LRRC9: variants seen among roughly 807,000 people sequenced by gnomAD.
LRRC9 encodes the protein leucine-rich repeat-containing protein 9.
LRRC9 carries 122 observed loss-of-function variants against 63.2 expected under a neutral mutation model. The observed-to-expected ratio is 1.93, with a 90% CI of 1.67 to 2.24. LRRC9 has a LOEUF of 2.24. LRRC9 is among the 30% of genes most tolerant of loss of function. The pLI is 0.00. For synonymous variants in LRRC9, 366 were observed against 213.1 expected (o/e 1.72, Z -6.25); for missense variants, 1,071 against 627.7 (o/e 1.71, Z -7.55).
intron 20 of LRRC9, among the ~76,000 whole-genome samples, chr14:60,002,732 C>T (rs1889490502): frequency 6.6e-6 from 1 of 152,100 alleles, no homozygotes; most frequent in Non-Finnish European, 1.5e-5. Flanking sequence ...CTGCGTTCGC[C>T]ACAGAATTGG....
At chr14:60,018,391 T>C (rs1249253391) in exon 25 of LRRC9, 4 of 700,338 alleles carry the variant, frequency 5.7e-6, no homozygotes, top group Non-Finnish European at 1.0e-5. Context: ...TTGATTCCAG[T>C]CGACCAATTT....
At chr14:59,982,847 A>G (rs963107527) in intron 16 of LRRC9, among the ~76,000 whole-genome samples, 19 of 152,178 alleles carry the variant, frequency 1.2e-4, no homozygotes, top group Non-Finnish European at 2.1e-4. Flanking sequence ...TCCAATTAGC[A>G]AGGGATTTTA....
At chr14:60,009,794 C>G (rs1890113343) in intron 23 of LRRC9, among the ~76,000 whole-genome samples, 1 of 152,178 alleles carries the variant, frequency 6.6e-6, no homozygotes. Flanking sequence ...GGTAAATACA[C>G]CCATTCCAAA....
At chr14:60,007,313 A>G (rs915396025) in intron 22 of LRRC9, among the ~76,000 whole-genome samples, 1 of 152,168 alleles carries the variant, frequency 6.6e-6, no homozygotes, top group African/African-American at 2.4e-5. Flanking sequence ...CACCAGCAAC[A>G]CAATAAGCCA....
intron 29 of LRRC9, among the ~76,000 whole-genome samples, chr14:60,047,450 A>G (rs1190818236): frequency 6.6e-6 from 1 of 152,124 alleles, no homozygotes; most frequent in African/African-American, 2.4e-5. Flanking sequence ...AAACAAAGGG[A>G]TGAAGGATAA....
In LRRC9 at chr14:60,058,025, A is replaced by AT. The variant is rs754802771; in HGVS notation, c.4276+7dup. The stretch of plus-strand genomic sequence containing the variant: ...CACTTTAACTCCTGAAGTTGAAGGT[A>AT]TTTTGACAATTTCAGATAGAATGTA... On this transcript the variant is annotated splice_donor_region_variant and intron_variant, in intron 31 of 31. Coordinates refer to ENST00000445360, the Ensembl canonical transcript of LRRC9. This position sits in a 1 kb window ranked among gnomAD's most constrained non-coding sequence, Gnocchi z 4.4. 8 of 606,926 alleles carry AT rather than the reference A, an allele frequency of 1.3e-5. No homozygotes were observed. Among genetic ancestry groups the AT allele is most frequent in the Non-Finnish European group, 2.2e-5 (7 of 322,456 alleles). The allele number at this position is 606,926 out of a possible 1,614,324, so 37.6% of individuals were successfully genotyped here. A position where few individuals can be genotyped will look rare whatever the true frequency, so the allele number is the denominator to read the frequency against.
intron 8 of LRRC9, among the ~76,000 whole-genome samples, chr14:59,953,029 G>A (rs959285557): frequency 6.6e-6 from 1 of 152,178 alleles, no homozygotes; most frequent in Non-Finnish European, 1.5e-5. Context: ...TGGTGTATAT[G>A]TGCCACATTT....
In LRRC9 at chr14:59,938,948, TAC is replaced by T. The variant is rs67162310; in HGVS notation, c.726+378_726+379del. Among the ~76,000 whole-genome samples the T allele has an allele frequency of 0.27, 38,424 of 143,836 alleles. 5,202 individuals carry two copies. The highest frequency in any genetic ancestry group is 0.31 in the African/African-American group (12,258 of 39,028). The allele number at this position is 143,836 out of a possible 152,430, so 94.4% of individuals were successfully genotyped here. Reference sequence around the variant, plus strand: ...ATATATACACATATATACATATACATACATATATACACACATATATACATATA... The same window carrying T: ...ATATATACACATATATACATATACATATATATACACACATATATACATATA... On this transcript the variant is annotated intron_variant, in intron 7 of 31. Coordinates refer to ENST00000445360, the Ensembl canonical transcript of LRRC9. This position sits in a 1 kb window ranked among gnomAD's most constrained non-coding sequence, Gnocchi z 4.2.
intron 8 of LRRC9, among the ~76,000 whole-genome samples, chr14:59,952,153 T>C (rs1046201003): frequency 4.0e-5 from 6 of 151,544 alleles, no homozygotes; most frequent in East Asian, 3.9e-4. Context: ...ATCAGCGAGA[T>C]TCCGTGGGCG....
In LRRC9 at chr14:60,060,593, TA is replaced by T. The variant is rs1047882676; in HGVS notation, c.4276+2572del. Among the ~76,000 whole-genome samples, 2 of 151,854 alleles carry T rather than the reference TA, an allele frequency of 1.3e-5. No homozygotes were observed. Among genetic ancestry groups the T allele is most frequent in the African/African-American group, 4.8e-5 (2 of 41,316 alleles). Reference sequence around the variant, plus strand: ...GTCTCTACTAAAAATACAAAAAAATTAGCTGGGCATGGTGGCGGGCGCCTGT... The same window carrying T: ...GTCTCTACTAAAAATACAAAAAAATTGCTGGGCATGGTGGCGGGCGCCTGT... On this transcript the variant is annotated intron_variant, in intron 31 of 31. Transcript: ENST00000445360. This position sits in a 1 kb window ranked among gnomAD's most constrained non-coding sequence, Gnocchi z 4.0.
intron 29 of LRRC9, among the ~76,000 whole-genome samples, chr14:60,047,535 A>G (rs1404361757): frequency 6.6e-6 from 1 of 152,230 alleles, no homozygotes; most frequent in Non-Finnish European, 1.5e-5. Flanking sequence ...CTTTAAACCA[A>G]CAAAGATTAA....
chr14:60,017,002 T>C lies in LRRC9; in HGVS notation c.3317+212T>C, dbSNP rs544016366. On this transcript the variant is annotated intron_variant, in intron 24 of 31. Coordinates refer to ENST00000445360, the Ensembl canonical transcript of LRRC9. The surrounding 1 kb of genome is among the most constrained non-coding windows in gnomAD (Gnocchi z 4.0). ...TCACTGCAGCTTCAACCTTGCAGGC[T>C]CAATCGATCCTCCGACTATAGGCAC... Among the ~76,000 whole-genome samples, 4 of 152,032 alleles carry C rather than the reference T, an allele frequency of 2.6e-5. No homozygotes were observed. The highest frequency in any genetic ancestry group is 4.2e-4 in the South Asian group (2 of 4,818).
At chr14:59,989,901 A>AATC (rs1887876461) in intron 17 of LRRC9, among the ~76,000 whole-genome samples, 1 of 149,684 alleles carries the variant, frequency 6.7e-6, no homozygotes, top group African/African-American at 2.4e-5. Context: ...GCTCTATTCC[A>AATC]ATCCTCCACT....
intron 17 of LRRC9, among the ~76,000 whole-genome samples, chr14:59,996,052 T>C (rs1366882642): frequency 2.6e-5 from 4 of 152,172 alleles, no homozygotes; most frequent in East Asian, 1.9e-4. Flanking sequence ...AAGACAGTTA[T>C]ATTTTTATGA....
chr14:60,060,166 T>C lies in LRRC9; in HGVS notation c.4276+2144T>C, dbSNP rs1227569396. On this transcript the variant is annotated intron_variant, in intron 31 of 31. Coordinates refer to ENST00000445360, the Ensembl canonical transcript of LRRC9. The surrounding 1 kb of genome is among the most constrained non-coding windows in gnomAD (Gnocchi z 4.0). ...GCTCTATCAGTCTATGCTCTATCAA[T>C]GTACAAAGCTTGGATAACAGCACAT... Among the ~76,000 whole-genome samples the C allele has an allele frequency of 1.3e-5, 2 of 152,222 alleles. No homozygotes were observed. Among genetic ancestry groups the C allele is most frequent in the Non-Finnish European group, 2.9e-5 (2 of 68,038 alleles).
intron 31 of LRRC9, among the ~76,000 whole-genome samples, chr14:60,059,609 G>A (rs184845937): frequency 5.9e-5 from 9 of 152,328 alleles, no homozygotes; most frequent in African/African-American, 1.4e-4. Context: ...GGATAAAGTG[G>A]TCCGGATAGG....
At chr14:59,948,348 A>G (rs1247490781) in intron 8 of LRRC9, among the ~76,000 whole-genome samples, 3 of 144,426 alleles carry the variant, frequency 2.1e-5, no homozygotes, top group Non-Finnish European at 4.5e-5. Context: ...TGATTTTTGT[A>G]CATTAATTTT....
intron 27 of LRRC9, among the ~76,000 whole-genome samples, chr14:60,026,071 C>A (rs1485619692): frequency 6.6e-6 from 1 of 151,936 alleles, no homozygotes; most frequent in South Asian, 2.1e-4. Context: ...TTTTGATGCA[C>A]TAAAAATAGA....
At chr14:59,959,863 A>C in exon 9 of LRRC9, 1 of 688,046 alleles carries the variant, frequency 1.5e-6, no homozygotes, top group South Asian at 1.5e-5. Flanking sequence ...CAAAGGGCAC[A>C]GTGATGGATC....
Sources: gnomAD v4.1 joint callset for allele counts (sites outside exome capture counted in the v4.1 genomes callset) on GRCh38, gnomAD v4.1.1 for gene constraint, Gnocchi (gnomAD v3.1) non-coding constraint, MANE v1.5 for transcripts, NCBI Gene and HGNC (gene_info 2026-07-23, HGNC 2026-07-21) for gene names.